Variants in FRMD4A observed in about 807,000 individuals in gnomAD.
The protein encoded by FRMD4A is FERM domain-containing protein 4A.
FRMD4A carries 29 observed loss-of-function variants against 129.1 expected under a neutral mutation model. The ratio of observed to expected loss-of-function variants is 0.22; its 90% CI spans 0.17 to 0.31. The LOEUF (loss-of-function observed/expected upper bound fraction) is 0.31, where lower values mean the gene tolerates loss of function less well. Ranked by LOEUF, FRMD4A falls within the 10% of genes least tolerant of loss-of-function variation. The pLI is 1.00. For synonymous variants in FRMD4A, 634 were observed against 571.6 expected (o/e 1.11, Z -1.56); for missense variants, 1,272 against 1,375.8 (o/e 0.92, Z 1.19).
chr10:13,841,436 T>C (rs147788903), intron 3 of FRMD4A, among the ~76,000 whole-genome samples: 27 of 152,262 alleles, frequency 1.8e-4, no homozygotes, highest in Middle Eastern at 6.8e-3. Flanking sequence ...AGACCAAACA[T>C]GTGATTTGAG....
At chr10:13,943,675 A>AAAAAAAAAAAAAAAAAG (rs2095310696) in intron 2 of FRMD4A, among the ~76,000 whole-genome samples, 5 of 123,778 alleles carry the variant, frequency 4.0e-5, no homozygotes, top group Non-Finnish European at 5.3e-5. Flanking sequence ...AAAAAAAAAA[A>AAAAAAAAAAAAAAAAAG]AAAAGAAAAA....
At chr10:14,027,467 T>A (rs12779353) in intron 2 of FRMD4A, among the ~76,000 whole-genome samples, 54,716 of 152,044 alleles carry the variant, frequency 0.36, 12,466 homozygotes, top group Non-Finnish European at 0.52. Context: ...AATACAAAAA[T>A]TAGCTGGGCT....
chr10:14,113,113 G>A (rs1164432438), intron 2 of FRMD4A, among the ~76,000 whole-genome samples: 2 of 152,152 alleles, frequency 1.3e-5, no homozygotes, highest in African/African-American at 2.4e-5. Context: ...CCTGCCTGGT[G>A]TGCTGATTTT....
chr10:14,266,043 A>G (rs1266413997), intron 2 of FRMD4A, among the ~76,000 whole-genome samples: 7 of 152,142 alleles, frequency 4.6e-5, no homozygotes, highest in Non-Finnish European at 5.9e-5. Flanking sequence ...CTTGGAAGCA[A>G]CAAACATAAA....
intron 15 of FRMD4A, among the ~76,000 whole-genome samples, chr10:13,682,497 C>CTTTTTTTTTTTTTTT (rs1170963559): frequency 5.4e-5 from 3 of 55,800 alleles, no homozygotes; most frequent in Non-Finnish European, 1.1e-4. Context: ...TTCTTTCTTT[C>CTTTTTTTTTTTTTTT]TTTTTTTTTT....
chr10:14,236,419 A>G (rs1843815886), intron 2 of FRMD4A, among the ~76,000 whole-genome samples: 1 of 152,188 alleles, frequency 6.6e-6, no homozygotes, highest in Non-Finnish European at 1.5e-5. Context: ...GATGAGCAGG[A>G]GCCGAGGTCT....
chr10:14,104,516 C>A (rs1449039553), intron 2 of FRMD4A, among the ~76,000 whole-genome samples: 3 of 152,180 alleles, frequency 2.0e-5, no homozygotes, highest in Non-Finnish European at 4.4e-5. Context: ...AAGGTGAGGC[C>A]ACACAGAGCC....
At chr10:14,157,278 C>G (rs1406436569) in intron 2 of FRMD4A, among the ~76,000 whole-genome samples, 1 of 152,200 alleles carries the variant, frequency 6.6e-6, no homozygotes, top group South Asian at 2.1e-4. Flanking sequence ...TCTCTGCACC[C>G]TAGTGGACCC....
intron 2 of FRMD4A, among the ~76,000 whole-genome samples, chr10:14,224,943 T>C (rs1843387068): frequency 6.6e-6 from 1 of 152,096 alleles, no homozygotes. Context: ...CTCAAAGAAA[T>C]ACAATGGCAA....
chr10:13,871,931 C>G (rs181905392), intron 2 of FRMD4A, among the ~76,000 whole-genome samples: 3 of 152,238 alleles, frequency 2.0e-5, no homozygotes, highest in Admixed American at 2.0e-4. Flanking sequence ...CTCGGCCACC[C>G]GGGGCTGTGG....
chr10:13,682,497 C>CTT (rs1170963559), intron 15 of FRMD4A, among the ~76,000 whole-genome samples: 886 of 55,722 alleles, frequency 0.016, 15 homozygotes, highest in Non-Finnish European at 0.029. Flanking sequence ...TTCTTTCTTT[C>CTT]TTTTTTTTTT....
intron 2 of FRMD4A, among the ~76,000 whole-genome samples, chr10:14,147,226 AG>A (rs1197089847): frequency 6.6e-6 from 1 of 152,140 alleles, no homozygotes; most frequent in Non-Finnish European, 1.5e-5. Flanking sequence ...AAGGTCAGGG[AG>A]GGGGTCAGAC....
intron 24 of FRMD4A, chr10:13,651,362 C>CTTTT (rs1464782654): frequency 6.5e-6 from 1 of 152,842 alleles, no homozygotes; most frequent in Non-Finnish European, 1.5e-5. Flanking sequence ...TGATGCTGTT[C>CTTTT]TTTTCAGGGA....
At chr10:14,083,447 CAAG>C (rs1356128984) in intron 2 of FRMD4A, 2 of 152,464 alleles carry the variant, frequency 1.3e-5, no homozygotes, top group Admixed American at 6.5e-5. Context: ...ACCAGCTCTG[CAAG>C]AAGGTGAGGG....
At chr10:14,096,002 G>A (rs1218219653) in intron 2 of FRMD4A, among the ~76,000 whole-genome samples, 1 of 152,222 alleles carries the variant, frequency 6.6e-6, no homozygotes, top group South Asian at 2.1e-4. Flanking sequence ...GTGAGAGGCT[G>A]TAAAAATAAC....
chr10:13,713,719 C>T (rs1014588421), intron 12 of FRMD4A, among the ~76,000 whole-genome samples: 1 of 149,262 alleles, frequency 6.7e-6, no homozygotes, highest in African/African-American at 2.5e-5. Context: ...TAAGGTTTTG[C>T]TATTGGAGCA....
At chr10:13,958,281 GTTTTTTTTTTT>G (rs35369777) in intron 2 of FRMD4A, among the ~76,000 whole-genome samples, 1 of 104,660 alleles carries the variant, frequency 9.6e-6, no homozygotes, top group African/African-American at 3.8e-5. Flanking sequence ...CATGACCATT[GTTTTTTTTTTT>G]TTTTTTTTTG....
chr10:14,178,452 C>T (rs1841805646), intron 2 of FRMD4A, among the ~76,000 whole-genome samples: 1 of 152,172 alleles, frequency 6.6e-6, no homozygotes, highest in African/African-American at 2.4e-5. Context: ...AAATGGAGCA[C>T]ATTAGTCCAT....
chr10:14,004,911 T>C (rs1009555141), intron 2 of FRMD4A, among the ~76,000 whole-genome samples: 12 of 152,240 alleles, frequency 7.9e-5, no homozygotes, highest in African/African-American at 2.9e-4. Context: ...TTTTGTAGCT[T>C]AATTCTAGCC....
Sources: gnomAD v4.1 joint callset for allele counts (sites outside exome capture counted in the v4.1 genomes callset) on GRCh38, gnomAD v4.1.1 for gene constraint, MANE v1.5 for transcripts, NCBI Gene and HGNC (gene_info 2026-07-23, HGNC 2026-07-21) for gene names.